Variants in SEMA3D observed in about 807,000 individuals in gnomAD.
SEMA3D encodes the protein semaphorin 3D.
Under a neutral mutation model 100.1 loss-of-function variants are expected in SEMA3D, and 84 were observed. The observed-to-expected ratio is 0.84, with a 90% CI of 0.70 to 1.01. The LOEUF is 1.01. SEMA3D is among the 50% of genes least tolerant of loss of function. SEMA3D has a pLI of 0.00. For synonymous variants in SEMA3D, 312 were observed against 320.7 expected, an observed-to-expected ratio of 0.97 and a Z score of 0.29; for missense variants, 875 against 934.1, an observed-to-expected ratio of 0.94 and a Z score of 0.82.
intron 4 of SEMA3D, among the ~76,000 whole-genome samples, chr7:85,094,533 C>T (rs556043562): frequency 6.6e-5 from 10 of 151,990 alleles, no homozygotes; most frequent in Non-Finnish European, 1.3e-4. Flanking sequence ...CCTAGCTTTC[C>T]TCCCACTGGG....
chr7:85,054,184 A>G (rs1237986787), intron 9 of SEMA3D, among the ~76,000 whole-genome samples: 1 of 152,066 alleles, frequency 6.6e-6, no homozygotes, highest in South Asian at 2.1e-4. Context: ...TATTAAATGG[A>G]TTATATTTAT....
At chr7:85,033,742 A>T (rs1790610314) in intron 12 of SEMA3D, among the ~76,000 whole-genome samples, 1 of 151,898 alleles carries the variant, frequency 6.6e-6, no homozygotes, top group South Asian at 2.1e-4. Context: ...CAAACCAAAA[A>T]ACTCATGTAG....
intron 12 of SEMA3D, among the ~76,000 whole-genome samples, chr7:85,025,311 G>C (rs926248195): frequency 6.6e-6 from 1 of 151,936 alleles, no homozygotes; most frequent in East Asian, 1.9e-4. Flanking sequence ...CAGCACAAAA[G>C]AAGAAGAGAA....
chr7:85,158,214 A>ACAGTT lies in SEMA3D; in HGVS notation c.-172-4476_-172-4475insAACTG, dbSNP rs1790651145. Reference sequence around the variant, plus strand: ...ACAAGAGAGATAACCTTAAACTCTGACTGCCAGTGATCTGGGCAGAACAGA... The same window carrying ACAGTT: ...ACAAGAGAGATAACCTTAAACTCTGACAGTTCTGCCAGTGATCTGGGCAGAACAGA... On this transcript the variant is annotated intron_variant, in intron 1 of 18. Transcript: ENST00000284136. Among the ~76,000 whole-genome samples, 10 of 152,332 alleles carry ACAGTT rather than the reference A, an allele frequency of 6.6e-5. No individual in the cohort carries two copies. The South Asian group carries it at 2.1e-3, about 32-fold the overall frequency.
chr7:85,159,805 T>C (rs1398429017), intron 1 of SEMA3D: 1 of 980,554 alleles, frequency 1.0e-6, no homozygotes, highest in Non-Finnish European at 1.2e-6. Flanking sequence ...GGCTATCTAA[T>C]ACCAGTGCAT....
chr7:85,077,428 C>T (rs1399181595), intron 5 of SEMA3D, among the ~76,000 whole-genome samples: 1 of 151,616 alleles, frequency 6.6e-6, no homozygotes, highest in Non-Finnish European at 1.5e-5. Flanking sequence ...ATATGTCTAC[C>T]TATACGTGTG....
chr7:85,074,259 G>A (rs1350825176), intron 5 of SEMA3D, among the ~76,000 whole-genome samples: 2 of 152,110 alleles, frequency 1.3e-5, no homozygotes, highest in East Asian at 1.9e-4. Context: ...CTGCCCAAGT[G>A]GCCATAGGTT....
intron 18 of SEMA3D, among the ~76,000 whole-genome samples, chr7:85,003,055 G>T (rs908085282): frequency 6.6e-6 from 1 of 151,994 alleles, no homozygotes; most frequent in Non-Finnish European, 1.5e-5. Flanking sequence ...AAAAAATAAA[G>T]AAAGCTCCTT....
the SEMA3D span, among the ~76,000 whole-genome samples, chr7:85,247,224 C>T: frequency 6.6e-6 from 1 of 152,052 alleles, no homozygotes; most frequent in African/African-American, 2.4e-5. Flanking sequence ...CAAGGTAAGT[C>T]TCACATTCAC....
intron 9 of SEMA3D, among the ~76,000 whole-genome samples, chr7:85,048,006 C>T (rs1185460160): frequency 6.6e-6 from 1 of 151,714 alleles, no homozygotes; most frequent in Non-Finnish European, 1.5e-5. Context: ...ATTAATACTA[C>T]TCACCTTCTT....
At chr7:85,117,020 G>A (rs1789262971) in intron 3 of SEMA3D, among the ~76,000 whole-genome samples, 1 of 152,116 alleles carries the variant, frequency 6.6e-6, no homozygotes. Flanking sequence ...TATAGTCTTT[G>A]TGCTCTCCTT....
intron 3 of SEMA3D, among the ~76,000 whole-genome samples, chr7:85,120,484 A>G (rs1423145130): frequency 6.6e-6 from 1 of 151,928 alleles, no homozygotes; most frequent in Non-Finnish European, 1.5e-5. Context: ...CCTGGCCAAC[A>G]CGGTGAAACC....
intron 3 of SEMA3D, among the ~76,000 whole-genome samples, chr7:85,108,125 G>A (rs967254282): frequency 6.6e-6 from 1 of 151,812 alleles, no homozygotes; most frequent in African/African-American, 2.4e-5. Flanking sequence ...TTATACTATG[G>A]CACTGGTATT....
intron 11 of SEMA3D, among the ~76,000 whole-genome samples, chr7:85,037,932 A>C (rs1161869525): frequency 1.3e-5 from 2 of 151,760 alleles, no homozygotes; most frequent in South Asian, 2.1e-4. Context: ...AGCATTTCCC[A>C]CCTATGAGTG....
intron 1 of SEMA3D, among the ~76,000 whole-genome samples, chr7:85,174,993 G>C (rs937947457): frequency 1.3e-5 from 2 of 151,882 alleles, no homozygotes; most frequent in Non-Finnish European, 2.9e-5. Context: ...AACACTGTCT[G>C]TACACAGTTA....
chr7:85,222,227 T>C, the SEMA3D span, among the ~76,000 whole-genome samples: 1 of 152,218 alleles, frequency 6.6e-6, no homozygotes, highest in Non-Finnish European at 1.5e-5. Context: ...TGATTTGATA[T>C]TTTATTTAAA....
chr7:85,037,299 T>G (rs1404519264), intron 11 of SEMA3D, among the ~76,000 whole-genome samples: 1 of 152,146 alleles, frequency 6.6e-6, no homozygotes, highest in Non-Finnish European at 1.5e-5. Context: ...CCAGGTAAGT[T>G]TTCAGGGAGG....
intron 9 of SEMA3D, among the ~76,000 whole-genome samples, chr7:85,045,484 A>G (rs958984240): frequency 6.6e-6 from 1 of 151,972 alleles, no homozygotes; most frequent in African/African-American, 2.4e-5. Context: ...TCTTACATTT[A>G]TATTTTATAT....
intron 3 of SEMA3D, among the ~76,000 whole-genome samples, chr7:85,098,920 A>C (rs1788657328): frequency 6.6e-6 from 1 of 151,872 alleles, no homozygotes; most frequent in Admixed American, 6.6e-5. Context: ...CATAGTTTAA[A>C]CCATACATAT....
Sources: allele counts gnomAD v4.1 joint callset (sites outside exome capture counted in the v4.1 genomes callset), GRCh38; gene constraint gnomAD v4.1.1; transcripts MANE v1.5; gene names NCBI Gene and HGNC (gene_info 2026-07-23, HGNC 2026-07-21).